MIA3: variants seen among roughly 807,000 people sequenced by gnomAD.
MIA3 encodes the protein transport and Golgi organization protein 1 homolog.
A neutral mutation model predicts 192.4 loss-of-function variants in MIA3; 90 were observed. The ratio of observed to expected loss-of-function variants is 0.47; its 90% CI spans 0.39 to 0.56. The LOEUF is 0.56. Among genes scored for constraint, MIA3 ranks in the 20% least tolerant of loss-of-function variants. MIA3 has a pLI of 0.00. For missense variants in MIA3, 2,123 were observed against 2,269.4 expected (o/e 0.94, Z 1.31); for synonymous variants, 740 against 792.8 (o/e 0.93, Z 1.12).
intron 6 of MIA3, among the ~76,000 whole-genome samples, chr1:222,640,214 A>T (rs982363886): frequency 3.9e-5 from 6 of 152,124 alleles, no homozygotes; most frequent in Admixed American, 3.9e-4. Context: ...GGAGAGATAG[A>T]CCTTGTTTAT....
intron 6 of MIA3, among the ~76,000 whole-genome samples, chr1:222,637,909 T>G (rs1193650570): frequency 1.3e-5 from 2 of 152,144 alleles, no homozygotes; most frequent in Non-Finnish European, 2.9e-5. Context: ...CTCAAAATCC[T>G]GGGCTCAAGT....
Position 222,628,257 on chromosome 1 carries a change from G to A in MIA3, c.1037G>A (p.Gly346Asp). Residue 346 changes from glycine to aspartate, a missense_variant, in exon 4 of 28, where the codon GGC (glycine) becomes GAC (aspartate). Coordinates refer to ENST00000344922, the MANE Select transcript of MIA3 (RefSeq NM_198551.4). ...GEDMKTPAKSGVEKYPTDKEQ... is the reference protein window; with the variant it reads ...GEDMKTPAKSDVEKYPTDKEQ... The stretch of plus-strand genomic sequence containing the variant: ...GATATGAAAACTCCAGCAAAGTCTG[G>A]CGTTGAGAAATATCCAACAGATAAA... 1 of 1,614,104 alleles carries A rather than the reference G, an allele frequency of 6.2e-7. No homozygotes were observed. The highest frequency in any genetic ancestry group is 1.1e-5 in the South Asian group (1 of 91,084).
In MIA3 at chr1:222,659,911, T is replaced by A; in HGVS notation, c.4880T>A (p.Leu1627Ter). Residue 1627 changes from leucine (L) to a stop codon, truncating the protein, a stop_gained, in exon 23 of 28, where the codon TTA (leucine) becomes TAA (stop). Transcript: ENST00000344922. LOFTEE classifies it high-confidence loss of function. ...REAANLRHKL[L>*]ELTQKMAMLQ... ...ATTCTTTCTCTATATTCAAGATTAT[T>A]AGAATTAACACAAAAGATGGCAATG... 2 of 1,611,660 alleles carry A rather than the reference T, an allele frequency of 1.2e-6. No homozygotes were observed. The highest frequency in any genetic ancestry group is 1.7e-6 in the Non-Finnish European group (2 of 1,178,282).
intron 6 of MIA3, among the ~76,000 whole-genome samples, chr1:222,643,342 A>G (rs183213660): frequency 1.3e-5 from 2 of 152,034 alleles, no homozygotes; most frequent in African/African-American, 4.8e-5. Flanking sequence ...AGTTGGGTCT[A>G]TTTCTGGATT....
chr1:222,621,048 A>C lies in MIA3; in HGVS notation c.134-111A>C, dbSNP rs1661829320. 4.5e-6 allele frequency: 4 copies of C among 880,070 alleles called. No homozygotes were observed. The East Asian group carries it at 1.0e-4, about 23-fold the overall frequency. 54.5% of individuals were successfully genotyped at this position (880,070 alleles called of 1,614,324 possible). ...AAGAAATTCCAGAGAGTACTGGAAA[A>C]ACTTGGTTGTTGTTTATAGTGGGAT... On this transcript the variant is annotated intron_variant, in intron 1 of 27. Transcript: ENST00000344922.
chr1:222,634,039 G>A (rs1380870009), intron 6 of MIA3, among the ~76,000 whole-genome samples: 1 of 152,066 alleles, frequency 6.6e-6, no homozygotes, highest in Non-Finnish European at 1.5e-5. Context: ...GTGGGGTTTT[G>A]TGATGTTGCC....
intron 13 of MIA3, among the ~76,000 whole-genome samples, chr1:222,652,546 C>T (rs1229388217): frequency 6.6e-6 from 1 of 152,232 alleles, no homozygotes; most frequent in African/African-American, 2.4e-5. Flanking sequence ...TTTTGGCTAT[C>T]AGAGTGTGTA....
intron 7 of MIA3, among the ~76,000 whole-genome samples, chr1:222,646,738 A>C (rs1226067550): frequency 6.6e-6 from 1 of 152,256 alleles, no homozygotes; most frequent in Non-Finnish European, 1.5e-5. Context: ...TGTCTCAAAA[A>C]AAAGTTTTAA....
intron 1 of MIA3, among the ~76,000 whole-genome samples, chr1:222,619,711 T>C (rs1661773006): frequency 6.6e-6 from 1 of 152,366 alleles, no homozygotes; most frequent in Non-Finnish European, 1.5e-5. Context: ...ACATCACTGA[T>C]GCTTCTTCAG....
rs200409921 is a variant in MIA3, at chr1:222,659,496, C to T, written c.4753C>T (p.Arg1585Trp). 302 of 1,613,606 alleles carry T rather than the reference C, an allele frequency of 1.9e-4. No individual in the cohort carries two copies. The highest frequency in any genetic ancestry group is 2.4e-4 in the Non-Finnish European group (279 of 1,179,726). ...GGAGGATGAATTACAGAAGACAGAG[C>T]GGTCATTTAAAAACCAGGTAATAAT... Reference protein sequence around the residue: ...EMEDELQKTERSFKNQIATHE... With the variant: ...EMEDELQKTEWSFKNQIATHE... The change falls in exon 20 of 28, where the codon CGG becomes TGG. Residue 1585 changes from arginine (R) to tryptophan (W), a missense_variant. Arg to Trp is a moderately radical substitution (Grantham distance 101, BLOSUM62 -3). Around this residue, in one of 3 missense-constraint regions of MIA3, gnomAD observed 762 missense variants for 856.4 expected, o/e 0.89. Transcript: ENST00000344922.
At chr1:222,634,997 C>T (rs919174334) in intron 6 of MIA3, among the ~76,000 whole-genome samples, 1 of 152,100 alleles carries the variant, frequency 6.6e-6, no homozygotes, top group African/African-American at 2.4e-5. Context: ...AGATCTCATC[C>T]CTCACCTAAT....
intron 6 of MIA3, among the ~76,000 whole-genome samples, chr1:222,643,565 A>G (rs1180013295): frequency 1.3e-5 from 2 of 152,164 alleles, no homozygotes; most frequent in African/African-American, 4.8e-5. Context: ...ATCTACAGAT[A>G]CCATTTTTTC....
At position 222,657,728 on chromosome 1, in the gene MIA3, A is replaced by G. The variant is rs532034294; in HGVS notation, c.4608-994A>G. Among the ~76,000 whole-genome samples, 55 of 152,352 alleles carry G rather than the reference A, an allele frequency of 3.6e-4. No individual in the cohort carries two copies. In the South Asian group the frequency reaches 0.011, roughly 31 times the overall value. ...TACACATTCAGCTGTGAGCTCCATT[A>G]GTGCAGAGGTGGTACTTACCATAGC... On this transcript the variant is annotated intron_variant, in intron 18 of 27. Coordinates refer to ENST00000344922, the MANE Select transcript of MIA3 (RefSeq NM_198551.4).
chr1:222,666,313 T>G lies in MIA3; in HGVS notation c.*694T>G, dbSNP rs148639099. On this transcript the variant is annotated 3_prime_UTR_variant, in exon 28 of 28. Coordinates refer to ENST00000344922, the MANE Select transcript of MIA3 (RefSeq NM_198551.4). ...GACGTCTTTTTATTTCAAAGAAGTT[T>G]ATTTCCCACTTGTATAGCATTCACA... 7 of 152,342 alleles carry G rather than the reference T, an allele frequency of 4.6e-5. No homozygotes were observed. The highest frequency in any genetic ancestry group is 1.7e-4 in the African/African-American group (7 of 41,568). 9.4% of individuals were successfully genotyped at this position (152,342 alleles called of 1,614,324 possible). A position where few individuals can be genotyped will look rare whatever the true frequency, so the allele number is the denominator to read the frequency against.
chr1:222,667,485 T>TA lies in MIA3; in HGVS notation c.*1867dup, dbSNP rs1281187454. The TA allele has an allele frequency of 7.2e-5, 11 of 152,252 alleles. No homozygotes were observed. Among genetic ancestry groups the TA allele is most frequent in the Admixed American group, 7.2e-4 (11 of 15,286 alleles). The allele number at this position is 152,252 out of a possible 1,614,324, so 9.4% of individuals were successfully genotyped here. ...GTAAGTAGGAAAGGTAAATTAAATC[T>TA]ATTTTTAAAATTCAAAATATTAGAG... On this transcript the variant is annotated 3_prime_UTR_variant, in exon 28 of 28. Coordinates refer to ENST00000344922, the MANE Select transcript of MIA3 (RefSeq NM_198551.4).
intron 6 of MIA3, chr1:222,644,236 G>T: frequency 2.1e-5 from 27 of 1,297,384 alleles, no homozygotes; most frequent in Non-Finnish European, 2.5e-5. Flanking sequence ...GGTTCCGTCC[G>T]CTCTGGCCCC....
rs776029976 is a variant in MIA3, at chr1:222,665,529, C to G, written c.5634C>G (p.Asp1878Glu). The change falls in exon 28 of 28, where the codon GAC (aspartate) becomes GAG (glutamate). Residue 1878 changes from aspartate (D) to glutamate (E), a missense_variant. This residue lies in a region of MIA3 where 762 missense variants were observed against 856.4 expected (regional missense o/e 0.89). Coordinates refer to ENST00000344922, the MANE Select transcript of MIA3 (RefSeq NM_198551.4). Reference sequence around the variant, plus strand: ...ACCCACCACCACCTGCTGTAAGAGACTTACTGCCGTCAGGCTCTAGAGATG... The same window carrying G: ...ACCCACCACCACCTGCTGTAAGAGAGTTACTGCCGTCAGGCTCTAGAGATG... ...QEYPPPPAVR[D>E]LLPSGSRDEP... is the part of the protein sequence containing the mutation. 18 of 1,614,020 alleles carry G rather than the reference C, an allele frequency of 1.1e-5. No individual in the cohort carries two copies. In the African/African-American group the frequency reaches 2.3e-4, roughly 20 times the overall value.
chr1:222,653,108 C>G lies in MIA3; in HGVS notation c.4187C>G (p.Thr1396Ser), dbSNP rs1315508478. ...KSQKDLEVALTHKDDNINALT... is the reference protein window; with the variant it reads ...KSQKDLEVALSHKDDNINALT... Reference sequence around the variant, plus strand: ...CAGAAAGATTTGGAAGTAGCTCTTACTCACAAGGATGATAATATTAATGTA... The same window carrying G: ...CAGAAAGATTTGGAAGTAGCTCTTAGTCACAAGGATGATAATATTAATGTA... Residue 1396 changes from threonine (T) to serine (S), a missense_variant, in exon 14 of 28, where the codon ACT becomes AGT. By Grantham distance (58) the Thr-to-Ser change is moderately conservative. Coordinates refer to ENST00000344922, the MANE Select transcript of MIA3 (RefSeq NM_198551.4). 3 of 1,611,138 alleles carry G rather than the reference C, an allele frequency of 1.9e-6. No individual in the cohort carries two copies. The Admixed American group carries it at 5.0e-5, about 27-fold the overall frequency.
In MIA3 at chr1:222,654,804, C is replaced by A. The variant is rs1382266118; in HGVS notation, c.4607+11C>A. 4 of 1,609,500 alleles carry A rather than the reference C, an allele frequency of 2.5e-6. No individual in the cohort carries two copies. Among genetic ancestry groups the A allele is most frequent in the Non-Finnish European group, 3.4e-6 (4 of 1,176,406 alleles). On this transcript the variant is annotated intron_variant, in intron 18 of 27. Coordinates refer to ENST00000344922, the MANE Select transcript of MIA3 (RefSeq NM_198551.4). ...GATGGCTTTGCAAAAGTAAGATTAT[C>A]ATCATTTACTGTTAACTGTATTGTC...
Sources: allele counts gnomAD v4.1 joint callset (sites outside exome capture counted in the v4.1 genomes callset), GRCh38; gene constraint gnomAD v4.1.1; regional missense constraint gnomAD v4.1.1; transcripts MANE v1.5; gene names NCBI Gene and HGNC (gene_info 2026-07-23, HGNC 2026-07-21).